The following BNIP5 variants were observed in gnomAD, a reference collection of about 807,000 sequenced individuals.
BNIP5 encodes the protein protein BNIP5.
In BNIP5, 61 loss-of-function variants were observed where a neutral mutation model predicts 67.3. The ratio of observed to expected loss-of-function variants is 0.91; its 90% CI spans 0.74 to 1.12. BNIP5 has a LOEUF of 1.12. Among genes scored for constraint, BNIP5 ranks in the 50% most tolerant of loss-of-function variants. The probability of loss-of-function intolerance (pLI) is 0.00; values close to 1 mark genes in which losing one functional copy is unlikely to be tolerated. For missense variants in BNIP5, 826 were observed against 816.3 expected, an observed-to-expected ratio of 1.01 and a Z score of -0.14; for synonymous variants, 317 against 319.0, an observed-to-expected ratio of 0.99 and a Z score of 0.07.
chr6:36,330,849 T>C (rs527611800), intron 1 of BNIP5, among the ~76,000 whole-genome samples, 155 bp from the exon 2 acceptor site: 2 of 152,284 alleles, frequency 1.3e-5, no homozygotes, highest in South Asian at 4.2e-4. Context: ...CTGCAACCTC[T>C]ACCTCCTGGG....
chr6:36,320,800 G>T (rs142526539), intron 10 of BNIP5, among the ~76,000 whole-genome samples: 1 of 152,202 alleles, frequency 6.6e-6, no homozygotes, highest in African/African-American at 2.4e-5. Context: ...TCAGCCGGGC[G>T]GGTGGGGCCA....
chr6:36,333,739 G>A (rs1437205100), intron 1 of BNIP5, among the ~76,000 whole-genome samples: 1 of 152,234 alleles, frequency 6.6e-6, no homozygotes, highest in Non-Finnish European at 1.5e-5. Context: ...GGTCTTAAAA[G>A]AAGATAAATT....
chr6:36,327,872 A>G (rs1405177356), intron 3 of BNIP5, among the ~76,000 whole-genome samples: 2 of 146,218 alleles, frequency 1.4e-5, no homozygotes, highest in Admixed American at 6.9e-5. Context: ...CTTCCCTGTC[A>G]CTTATAAATT....
chr6:36,319,297 A>G, intron 11 of BNIP5, 59 bp downstream of exon 11: 1 of 1,590,548 alleles, frequency 6.3e-7, no homozygotes, highest in Non-Finnish European at 8.6e-7. Flanking sequence ...ACTGGAGGCC[A>G]GCTGTGAGCC....
intron 1 of BNIP5, 87 bp from the exon 2 acceptor site, chr6:36,330,781 T>A (rs1426794307): frequency 6.8e-7 from 1 of 1,469,424 alleles, no homozygotes. Flanking sequence ...TTTTGTTTTT[T>A]ATGACGGAGC....
Position 36,320,829 on chromosome 6 carries a change from C to T in BNIP5, c.1668+326G>A, listed in dbSNP as rs1027886058. ...GGGGCCAGGAGTGGCCAGGTGTGGG[C>T]GGAGGAGGCTTCCAAGGACGGGGGA... On this transcript the variant is annotated intron_variant, in intron 10 of 11. Coordinates refer to ENST00000437635, the MANE Select transcript of BNIP5 (RefSeq NM_001010903.5). 1.2e-3 allele frequency among the ~76,000 whole-genome samples: 176 copies of T among 152,112 alleles called. 1 individual carries two copies. Among genetic ancestry groups the T allele is most frequent in the African/African-American group, 3.7e-3 (154 of 41,502 alleles).
intron 6 of BNIP5, 92 bp from the exon 7 acceptor site, chr6:36,324,282 G>T: frequency 8.7e-7 from 1 of 1,154,666 alleles, no homozygotes; most frequent in African/African-American, 1.5e-5. Context: ...TGGCTCCCTG[G>T]GTGATTCTCC....
In BNIP5 at chr6:36,328,652, C is replaced by A; in HGVS notation, c.673G>T (p.Val225Phe). ...TGATGACCTGTGGCATGGGGAGAAACATCCAAAGCTCCAGTACCATCCACT... is the reference window on the plus strand; with the variant it reads ...TGATGACCTGTGGCATGGGGAGAAAAATCCAAAGCTCCAGTACCATCCACT... ...IKVDGTGALD[V>F]SPHATGHQQE... Residue 225 changes from valine to phenylalanine, a missense_variant, in exon 3 of 12, where the codon GTT (valine) becomes TTT (phenylalanine). Transcript: ENST00000437635. The A allele has an allele frequency of 6.2e-7, 1 of 1,614,110 alleles. No individual in the cohort carries two copies.
intron 1 of BNIP5, among the ~76,000 whole-genome samples, chr6:36,336,470 C>T (rs1376774203): frequency 1.3e-5 from 2 of 152,082 alleles, no homozygotes; most frequent in African/African-American, 4.8e-5. Context: ...CCGAGTGAGC[C>T]CAGAGCCCTT....
chr6:36,335,551 C>T (rs2127373392), intron 1 of BNIP5, among the ~76,000 whole-genome samples: 1 of 152,358 alleles, frequency 6.6e-6, no homozygotes, highest in South Asian at 2.1e-4. Flanking sequence ...TCGGTCCTAA[C>T]TCTAAATTCC....
At chr6:36,323,981 C>G in intron 7 of BNIP5, 148 bp downstream of exon 7, 1 of 651,748 alleles carries the variant, frequency 1.5e-6, no homozygotes, top group Non-Finnish European at 2.7e-6. Context: ...GCCTGGGCGA[C>G]AGAGCAAGAC....
At position 36,330,083 on chromosome 6, in the gene BNIP5, CT is replaced by C; in HGVS notation, c.607del (p.Arg203GlyfsTer47). The C allele has an allele frequency of 6.2e-7, 1 of 1,601,016 alleles. No homozygotes were observed. The highest frequency in any genetic ancestry group is 1.3e-5 in the African/African-American group (1 of 74,720). The part of the protein sequence containing the change: ...SGEADLGPAR[R>X]GGEDSDHQSF... ...AGGAACAGGCACGGTCCGCTCACCC[CT>C]GCGAGCTGGGCCCAGGTCAGCCTCC... On this transcript the variant is annotated frameshift_variant, in exon 2 of 12. Transcript: ENST00000437635. LOFTEE classifies it high-confidence loss of function.
intron 3 of BNIP5, among the ~76,000 whole-genome samples, chr6:36,327,567 A>C (rs1771792609): frequency 6.6e-6 from 1 of 152,202 alleles, no homozygotes; most frequent in Admixed American, 6.5e-5. Flanking sequence ...TTCCAGTGGG[A>C]AAATGGTAGA....
rs1162085360 is a variant in BNIP5, at chr6:36,316,282, T to A, written c.*1074A>T. The A allele has an allele frequency of 5.2e-6, 2 of 384,778 alleles. No individual in the cohort carries two copies. Among genetic ancestry groups the A allele is most frequent in the African/African-American group, 4.1e-5 (2 of 48,414 alleles). The allele number at this position is 384,778 out of a possible 1,614,324, so 23.8% of individuals were successfully genotyped here. A position where few individuals can be genotyped will look rare whatever the true frequency, so the allele number is the denominator to read the frequency against. On this transcript the variant is annotated 3_prime_UTR_variant, in exon 12 of 12. Transcript: ENST00000437635. Reference sequence around the variant, plus strand: ...TGTCCAAGGGAGCCGACTGTCTGTCTACAGTCTTGTCCTTCCTGCACATAG... The same window carrying A: ...TGTCCAAGGGAGCCGACTGTCTGTCAACAGTCTTGTCCTTCCTGCACATAG...
At chr6:36,333,835 C>T (rs1490083549) in intron 1 of BNIP5, among the ~76,000 whole-genome samples, 1 of 152,230 alleles carries the variant, frequency 6.6e-6, no homozygotes, top group Non-Finnish European at 1.5e-5. Context: ...TCAGGGTTCT[C>T]TCTGCATTTT....
At chr6:36,329,974 G>A (rs980626395) in intron 2 of BNIP5, 107 bp downstream of exon 2, 12 of 1,281,722 alleles carry the variant, frequency 9.4e-6, no homozygotes, top group Admixed American at 4.7e-5. Flanking sequence ...CAGCGGTGCC[G>A]GCCCCTGACA....
chr6:36,331,416 C>T (rs1181507241), intron 1 of BNIP5, among the ~76,000 whole-genome samples: 1 of 152,182 alleles, frequency 6.6e-6, no homozygotes, highest in South Asian at 2.1e-4. Flanking sequence ...TCCAAAGCCA[C>T]TGGGTCTGGG....
rs778348516 is a variant in BNIP5 at position 36,330,582 on chromosome 6, GC to G, written c.108del (p.Trp36CysfsTer65). ...CTGGAGGGGGCAGTGGGCAGGGAGA[GC>G]CAATGGCAGTCCCACGACTCCGAGC... is the stretch of plus-strand genomic sequence containing the variant. Reference protein sequence around the residue: ...GKGSESWDCHWLSLPTAPSRK... With the variant: ...GKGSESWDCHXLSLPTAPSRK... On this transcript the variant is annotated frameshift_variant, in exon 2 of 12. Transcript: ENST00000437635. LOFTEE classifies it high-confidence loss of function. The G allele has an allele frequency of 6.2e-7, 1 of 1,613,276 alleles. No homozygotes were observed. Among genetic ancestry groups the G allele is most frequent in the Non-Finnish European group, 8.5e-7 (1 of 1,180,032 alleles).
chr6:36,331,447 T>C (rs12204815), intron 1 of BNIP5, among the ~76,000 whole-genome samples: 19,051 of 152,146 alleles, frequency 0.13, 1,681 homozygotes, highest in East Asian at 0.26. Flanking sequence ...ACAGTAGCAA[T>C]GGAAAACGAA....
Sources: gnomAD v4.1 joint callset for allele counts (sites outside exome capture counted in the v4.1 genomes callset) on GRCh38, gnomAD v4.1.1 for gene constraint, MANE v1.5 for transcripts, NCBI Gene and HGNC (gene_info 2026-07-23, HGNC 2026-07-21) for gene names.